RERE: variants seen among roughly 807,000 people sequenced by gnomAD.
RERE encodes arginine-glutamic acid dipeptide repeats, also known as arginine-glutamic acid dipeptide repeats protein.
Under a neutral mutation model 146.1 loss-of-function variants are expected in RERE, and 40 were observed. The ratio of observed to expected loss-of-function variants is 0.27; its 90% CI spans 0.21 to 0.36. The LOEUF (loss-of-function observed/expected upper bound fraction) is 0.36, where lower values mean the gene tolerates loss of function less well. Among genes scored for constraint, RERE ranks in the 10% least tolerant of loss-of-function variants. The pLI, the probability that RERE is intolerant of heterozygous loss-of-function variation, is 1.00. For synonymous variants in RERE, 1,003 were observed against 866.0 expected, an observed-to-expected ratio of 1.16 and a Z score of -2.78; for missense variants, 1,933 against 2,138.7, an observed-to-expected ratio of 0.90 and a Z score of 1.90.
At chr1:8,809,622 C>A (rs1641755296) in intron 1 of RERE, among the ~76,000 whole-genome samples, 1 of 152,174 alleles carries the variant, frequency 6.6e-6, no homozygotes, top group African/African-American at 2.4e-5. Context: ...AAAGGTCTCA[C>A]AGAGGTTAAC....
At chr1:8,465,545 A>G in intron 11 of RERE, 1 of 348,960 alleles carries the variant, frequency 2.9e-6, no homozygotes, top group Non-Finnish European at 5.7e-6. Context: ...ATTAAAAAAA[A>G]GACAAGTCAC....
At chr1:8,575,562 T>TATATA (rs1491346958) in intron 4 of RERE, among the ~76,000 whole-genome samples, 31 of 35,408 alleles carry the variant, frequency 8.8e-4, no homozygotes, top group East Asian at 1.3e-3. Context: ...TATATATATA[T>TATATA]TTTTTTTTTT....
intron 1 of RERE, among the ~76,000 whole-genome samples, chr1:8,688,811 T>C (rs980847355): frequency 6.6e-6 from 1 of 152,226 alleles, no homozygotes; most frequent in Non-Finnish European, 1.5e-5. Context: ...TTTGCCCAAC[T>C]GTAGGCTAAT....
chr1:8,659,021 T>G (rs1163135213), intron 1 of RERE, among the ~76,000 whole-genome samples: 2 of 152,222 alleles, frequency 1.3e-5, no homozygotes, highest in South Asian at 2.1e-4. Context: ...ACTAGATTAC[T>G]TCCTTCTATG....
rs1416882305 is a variant in RERE, at chr1:8,360,359, G to C, written c.3148C>G (p.Pro1050Ala). ...GGGGTAGAGGTGGAGGGGCAGGTCG[G>C]AGGGGTGATGGGAGGAGGGCCTCCA... ...VPGGPPPITP[P>A]TCPSTSTPPA... The change falls in exon 18 of 23, where the codon CCG (proline) becomes GCG (alanine). Residue 1050 changes from proline to alanine, a missense_variant. Physicochemically the swap from Pro to Ala is conservative, Grantham distance 27 (BLOSUM62 -1). Coordinates refer to ENST00000400908, the MANE Select transcript of RERE (RefSeq NM_001042681.2). 1 of 1,483,380 alleles carries C rather than the reference G, an allele frequency of 6.7e-7. No individual in the cohort carries two copies. The highest frequency in any genetic ancestry group is 9.0e-7 in the Non-Finnish European group (1 of 1,114,786). The allele number at this position is 1,483,380 out of a possible 1,614,324, so 91.9% of individuals were successfully genotyped here. A position where few individuals can be genotyped will look rare whatever the true frequency, so the allele number is the denominator to read the frequency against.
At chr1:8,499,585 T>A (rs2124253432) in intron 8 of RERE, among the ~76,000 whole-genome samples, 1 of 152,370 alleles carries the variant, frequency 6.6e-6, no homozygotes, top group Non-Finnish European at 1.5e-5. Flanking sequence ...TAAATGTTGG[T>A]ATTCAAGTTT....
In RERE at chr1:8,564,826, ATGTGTATGTGTG is replaced by A. The variant is rs1415388204; in HGVS notation, c.523-7315_523-7304del. On this transcript the variant is annotated intron_variant, in intron 4 of 22. Coordinates refer to ENST00000400908, the MANE Select transcript of RERE (RefSeq NM_001042681.2). ...TGTGTGTGTATGTATGTGTGTGTAT[ATGTGTATGTGTG>A]TGTGTGTGTGTGTGTGTGTGTGTGT... is the stretch of plus-strand genomic sequence containing the variant. Among the ~76,000 whole-genome samples, 102 of 117,938 alleles carry A rather than the reference ATGTGTATGTGTG, an allele frequency of 8.6e-4. 2 individuals are homozygous for A. The highest frequency in any genetic ancestry group is 2.9e-3 in the African/African-American group (84 of 28,838). The allele number at this position is 117,938 out of a possible 152,430, so 77.4% of individuals were successfully genotyped here.
At chr1:8,704,378 C>T (rs1224407681) in intron 1 of RERE, among the ~76,000 whole-genome samples, 1 of 152,030 alleles carries the variant, frequency 6.6e-6, no homozygotes, top group Non-Finnish European at 1.5e-5. Flanking sequence ...CAGTGTCAAC[C>T]CAAATTAGAA....
chr1:8,641,005 G>A (rs2124283384), intron 2 of RERE, among the ~76,000 whole-genome samples: 2 of 152,272 alleles, frequency 1.3e-5, no homozygotes, highest in South Asian at 4.1e-4. Flanking sequence ...ACATTTTAAA[G>A]TAATTTAACA....
At chr1:8,386,020 A>AT (rs1557603339) in intron 12 of RERE, among the ~76,000 whole-genome samples, 77 of 36,682 alleles carry the variant, frequency 2.1e-3, no homozygotes, top group African/African-American at 3.2e-3. Flanking sequence ...ATATATATAT[A>AT]TATTTTTTTT....
At chr1:8,785,607 T>G (rs535474823) in intron 1 of RERE, among the ~76,000 whole-genome samples, 1 of 152,306 alleles carries the variant, frequency 6.6e-6, no homozygotes, top group South Asian at 2.1e-4. Context: ...AAACTCTAAT[T>G]AACTCATAAT....
At chr1:8,550,081 A>G (rs753278844) in intron 6 of RERE, among the ~76,000 whole-genome samples, 3 of 152,226 alleles carry the variant, frequency 2.0e-5, no homozygotes, top group Non-Finnish European at 4.4e-5. Flanking sequence ...CCTGGTTCTG[A>G]TAACTGTACT....
chr1:8,369,499 G>C (rs748246159), intron 12 of RERE, among the ~76,000 whole-genome samples: 1 of 90,714 alleles, frequency 1.1e-5, no homozygotes, highest in African/African-American at 4.6e-5. Context: ...TAAATCTTTC[G>C]CCTTTTACTA....
intron 12 of RERE, among the ~76,000 whole-genome samples, chr1:8,390,782 T>C (rs1157302524): frequency 6.6e-6 from 1 of 152,164 alleles, no homozygotes; most frequent in Admixed American, 6.5e-5. Context: ...CACTTCTCCC[T>C]CCTAAACTTA....
chr1:8,697,782 C>A (rs1639366393), intron 1 of RERE, among the ~76,000 whole-genome samples: 1 of 152,076 alleles, frequency 6.6e-6, no homozygotes, highest in Non-Finnish European at 1.5e-5. Flanking sequence ...CTTTACTAAG[C>A]AAATGAACAG....
In RERE at chr1:8,360,155, G is replaced by T. The variant is rs1452707302; in HGVS notation, c.3352C>A (p.Pro1118Thr). The T allele has an allele frequency of 2.5e-6, 4 of 1,597,300 alleles. No individual in the cohort carries two copies. Among genetic ancestry groups the T allele is most frequent in the Non-Finnish European group, 3.4e-6 (4 of 1,172,122 alleles). Residue 1118 changes from proline (P) to threonine (T), a missense_variant, in exon 18 of 23, where the codon CCC becomes ACC. By Grantham distance (38) the Pro-to-Thr change is conservative. Transcript: ENST00000400908. Reference protein sequence around the residue: ...PPPPRSPSPEPTVVDTPSHAS... With the variant: ...PPPPRSPSPETTVVDTPSHAS... The stretch of plus-strand genomic sequence containing the variant: ...TGACTGGGGGTGTCCACCACAGTGG[G>T]CTCCGGGGACGGGCTCCTTGGTGGG...
intron 1 of RERE, among the ~76,000 whole-genome samples, chr1:8,728,463 C>CA (rs529828973): frequency 0.26 from 35,171 of 135,874 alleles, 5,264 homozygotes; most frequent in East Asian, 0.77. Context: ...AAGAGACCAT[C>CA]AAAAAAAAAA....
intron 4 of RERE, among the ~76,000 whole-genome samples, chr1:8,591,849 T>A (rs1190178603): frequency 2.6e-5 from 4 of 152,184 alleles, no homozygotes; most frequent in African/African-American, 9.7e-5. Flanking sequence ...GTCCTGCCCT[T>A]CCCACAGAAA....
intron 1 of RERE, among the ~76,000 whole-genome samples, chr1:8,816,958 G>A (rs1297260284): frequency 6.6e-6 from 1 of 152,176 alleles, no homozygotes; most frequent in Non-Finnish European, 1.5e-5. Context: ...AAGGCACGCA[G>A]GAACGGTCAC....
Sources: gnomAD v4.1 joint callset for allele counts (sites outside exome capture counted in the v4.1 genomes callset) on GRCh38, gnomAD v4.1.1 for gene constraint, MANE v1.5 for transcripts, NCBI Gene and HGNC (gene_info 2026-07-23, HGNC 2026-07-21) for gene names.